Variants in DPP6 observed in about 807,000 individuals in gnomAD.
DPP6 encodes the protein dipeptidyl peptidase like 6.
Under a neutral mutation model 122.6 loss-of-function variants are expected in DPP6, and 69 were observed. The observed-to-expected ratio is 0.56, with a 90% CI of 0.46 to 0.69. The LOEUF is 0.69. DPP6 is among the 30% of genes least tolerant of loss of function. The pLI is 0.00. For synonymous variants in DPP6, 418 were observed against 433.1 expected (o/e 0.97, Z 0.43); for missense variants, 928 against 1,116.9 (o/e 0.83, Z 2.41).
chr7:154,257,706 A>T (rs1031740210), intron 1 of DPP6, among the ~76,000 whole-genome samples: 2 of 140,810 alleles, frequency 1.4e-5, no homozygotes, highest in African/African-American at 5.3e-5. Context: ...TTCAAAAATA[A>T]ACAAATAAAT....
intron 1 of DPP6, among the ~76,000 whole-genome samples, chr7:154,064,642 C>T (rs1330784881): frequency 6.6e-6 from 1 of 152,092 alleles, no homozygotes; most frequent in Non-Finnish European, 1.5e-5. Flanking sequence ...GTGTCCCTAA[C>T]TCTCAGATTT....
chr7:154,539,453 A>T (rs1279630025), intron 3 of DPP6, among the ~76,000 whole-genome samples: 1 of 152,114 alleles, frequency 6.6e-6, no homozygotes, highest in Non-Finnish European at 1.5e-5. Flanking sequence ...GGACACAGGA[A>T]GGGGAACATC....
At chr7:153,961,047 T>C (rs1005647378) in intron 1 of DPP6, among the ~76,000 whole-genome samples, 3 of 150,136 alleles carry the variant, frequency 2.0e-5, no homozygotes, top group African/African-American at 7.4e-5. Context: ...CATGTGATTA[T>C]CCCTAACACC....
chr7:153,785,410 T>G, the DPP6 span, among the ~76,000 whole-genome samples: 3 of 152,190 alleles, frequency 2.0e-5, no homozygotes, highest in Non-Finnish European at 2.9e-5. Flanking sequence ...ATTTGTTGAC[T>G]GAATCAATTA....
intron 16 of DPP6, among the ~76,000 whole-genome samples, chr7:154,847,213 C>T (rs73485637): frequency 0.023 from 3,573 of 152,234 alleles, 137 homozygotes; most frequent in African/African-American, 0.081. Flanking sequence ...GCTTCACCCT[C>T]TTGTAGTGGC....
intron 7 of DPP6, among the ~76,000 whole-genome samples, chr7:154,676,251 G>C (rs1034713140): frequency 8.2e-5 from 12 of 145,860 alleles, no homozygotes; most frequent in Admixed American, 2.0e-4. Context: ...CAGGTGTTCC[G>C]GGCTGCGGCC....
At chr7:154,475,179 C>G (rs192253296) in intron 3 of DPP6, 142 bp downstream of exon 3, 2 of 703,412 alleles carry the variant, frequency 2.8e-6, no homozygotes, top group East Asian at 2.8e-5. Flanking sequence ...CTGTAGTCAT[C>G]ATCAGATTAT....
intron 3 of DPP6, among the ~76,000 whole-genome samples, chr7:154,524,031 C>G (rs1015936666): frequency 5.9e-5 from 9 of 152,184 alleles, no homozygotes; most frequent in Admixed American, 3.3e-4. Flanking sequence ...TCTACACTTA[C>G]GAGTTGACAG....
chr7:154,330,508 G>A (rs1360280553), intron 1 of DPP6, among the ~76,000 whole-genome samples: 2 of 152,194 alleles, frequency 1.3e-5, no homozygotes, highest in Admixed American at 6.5e-5. Context: ...TTCCTCTTTG[G>A]GGCGGGCAAG....
chr7:154,268,911 C>G (rs1447756908), intron 1 of DPP6, among the ~76,000 whole-genome samples: 1 of 121,070 alleles, frequency 8.3e-6, no homozygotes, highest in Non-Finnish European at 1.8e-5. Flanking sequence ...TGTTTTAACA[C>G]AAGATCCTGT....
chr7:153,903,462 A>G (rs1799723339), intron 1 of DPP6, among the ~76,000 whole-genome samples: 1 of 152,224 alleles, frequency 6.6e-6, no homozygotes, highest in African/African-American at 2.4e-5. Context: ...ATGAGGCTCA[A>G]AGAAGTTCAA....
intron 16 of DPP6, among the ~76,000 whole-genome samples, chr7:154,809,392 C>T (rs1022724386): frequency 1.3e-5 from 2 of 152,120 alleles, no homozygotes; most frequent in Admixed American, 6.5e-5. Flanking sequence ...CATTGTGGAT[C>T]CCACCAGGTT....
intron 17 of DPP6, among the ~76,000 whole-genome samples, chr7:154,859,495 C>G (rs758524250): frequency 1.1e-4 from 17 of 152,232 alleles, no homozygotes; most frequent in Admixed American, 1.3e-4. Context: ...CTCTCCCAGC[C>G]CTGCTGTGAA....
At chr7:154,212,813 C>G (rs145011009) in intron 1 of DPP6, among the ~76,000 whole-genome samples, 1 of 152,130 alleles carries the variant, frequency 6.6e-6, no homozygotes, top group African/African-American at 2.4e-5. Flanking sequence ...GGTGCCATGA[C>G]AGAAGAGCAG....
At chr7:154,521,328 A>T (rs934617098) in intron 3 of DPP6, among the ~76,000 whole-genome samples, 1 of 152,038 alleles carries the variant, frequency 6.6e-6, no homozygotes, top group South Asian at 2.1e-4. Flanking sequence ...AAGTGAAAAA[A>T]TAATTTGCAA....
At chr7:154,290,536 G>A (rs527907774) in intron 1 of DPP6, among the ~76,000 whole-genome samples, 19 of 151,956 alleles carry the variant, frequency 1.3e-4, no homozygotes, top group African/African-American at 4.1e-4. Flanking sequence ...AAAATCTTAG[G>A]GAGGCTGAGG....
rs558654787 is a variant in DPP6, at chr7:154,755,958, G to A, written c.884-13459G>A. Among the ~76,000 whole-genome samples the A allele has an allele frequency of 6.6e-6, 1 of 152,292 alleles. No individual in the cohort carries two copies. The highest frequency in any genetic ancestry group is 1.9e-4 in the East Asian group (1 of 5,184). ...GGCGAGGACTTGAGTGGGACTGTTG[G>A]GTTGTTGTGTTGCAGAGGAAATATG... On this transcript the variant is annotated intron_variant, in intron 8 of 25. Coordinates refer to ENST00000377770, the MANE Select transcript of DPP6 (RefSeq NM_130797.4). The surrounding 1 kb of genome is among the most constrained non-coding windows in gnomAD (Gnocchi z 4.7).
At chr7:154,752,747 C>G (rs1467877994) in intron 8 of DPP6, among the ~76,000 whole-genome samples, 1 of 152,178 alleles carries the variant, frequency 6.6e-6, no homozygotes, top group East Asian at 1.9e-4. Flanking sequence ...CCGCTCTGTT[C>G]TAGGATGTGG....
rs57896352 is a variant in DPP6 at position 154,584,543 on chromosome 7, C to A, written c.627+17627C>A. 7.1e-3 allele frequency among the ~76,000 whole-genome samples: 1,086 copies of A among 152,318 alleles called. 15 individuals carry two copies. Among genetic ancestry groups the A allele is most frequent in the African/African-American group, 0.025 (1,031 of 41,558 alleles). On this transcript the variant is annotated intron_variant, in intron 5 of 25. Coordinates refer to ENST00000377770, the MANE Select transcript of DPP6 (RefSeq NM_130797.4). ...AAATGGACCGTCCCCCACCCCCATGCGGTTTCAGGGCCGCTCCCAGGCTGT... is the reference window on the plus strand; with the variant it reads ...AAATGGACCGTCCCCCACCCCCATGAGGTTTCAGGGCCGCTCCCAGGCTGT...
Sources: gnomAD v4.1 joint callset for allele counts (sites outside exome capture counted in the v4.1 genomes callset) on GRCh38, gnomAD v4.1.1 for gene constraint, Gnocchi (gnomAD v3.1) non-coding constraint, MANE v1.5 for transcripts, NCBI Gene and HGNC (gene_info 2026-07-23, HGNC 2026-07-21) for gene names.